Variants in HEXB observed in about 807,000 individuals in gnomAD.
The protein encoded by HEXB is hexosaminidase subunit beta.
HEXB carries 51 observed loss-of-function variants against 71.2 expected under a neutral mutation model. The observed-to-expected ratio is 0.72, with a 90% CI of 0.57 to 0.90. The LOEUF (loss-of-function observed/expected upper bound fraction) is 0.90, where lower values mean the gene tolerates loss of function less well. HEXB is among the 40% of genes least tolerant of loss of function. HEXB has a pLI of 0.00. For synonymous variants in HEXB, 266 were observed against 249.3 expected, an observed-to-expected ratio of 1.07 and a Z score of -0.63; for missense variants, 617 against 677.0, an observed-to-expected ratio of 0.91 and a Z score of 0.98.
intron 9 of HEXB, 75 bp downstream of exon 9, chr5:74,716,748 A>G (rs1407384346): frequency 1.1e-6 from 1 of 944,004 alleles, no homozygotes; most frequent in Admixed American, 2.0e-5. Flanking sequence ...TTTATTTTTT[A>G]CATTTTCTCT....
intron 1 of HEXB, among the ~76,000 whole-genome samples, chr5:74,687,688 T>A (rs556863054): frequency 1.3e-5 from 2 of 152,322 alleles, no homozygotes; most frequent in Non-Finnish European, 2.9e-5. Flanking sequence ...TTTAAAAAAA[T>A]TTTAATTAAG....
At chr5:74,653,021 T>C (rs935768719) in intron 1 of HEXB, among the ~76,000 whole-genome samples, 1 of 152,208 alleles carries the variant, frequency 6.6e-6, no homozygotes, top group Non-Finnish European at 1.5e-5. Context: ...TTAACTGTAA[T>C]GTAAAGGAGG....
At chr5:74,655,544 C>T (rs1450465791) in intron 1 of HEXB, among the ~76,000 whole-genome samples, 1 of 151,962 alleles carries the variant, frequency 6.6e-6, no homozygotes, top group Non-Finnish European at 1.5e-5. Context: ...GCACGTTGGC[C>T]AGGCTGGTGT....
intron 5 of HEXB, among the ~76,000 whole-genome samples, chr5:74,702,785 G>A (rs541094407): frequency 2.6e-5 from 4 of 152,334 alleles, no homozygotes; most frequent in Admixed American, 6.5e-5. Flanking sequence ...GGTGGCTACC[G>A]AGTGGTGATG....
At chr5:74,676,468 T>G (rs1033932355) in intron 1 of HEXB, among the ~76,000 whole-genome samples, 1 of 152,130 alleles carries the variant, frequency 6.6e-6, no homozygotes, top group Non-Finnish European at 1.5e-5. Flanking sequence ...ACATGCAAAT[T>G]TTTAAAGGGC....
chr5:74,678,743 A>T (rs11738805), intron 1 of HEXB, among the ~76,000 whole-genome samples: 20,200 of 152,146 alleles, frequency 0.13, 1,709 homozygotes, highest in East Asian at 0.24. Context: ...CCGTAAAACA[A>T]CATACCACAT....
chr5:74,693,109 A>G (rs559152605), intron 2 of HEXB, among the ~76,000 whole-genome samples: 1 of 152,338 alleles, frequency 6.6e-6, no homozygotes, highest in East Asian at 1.9e-4. Context: ...GAAGGTGGGT[A>G]CAGGGCAAGT....
At chr5:74,640,648 C>T in intron 1 of HEXB, 1 of 152,348 alleles carries the variant, frequency 6.6e-6, no homozygotes, top group South Asian at 2.1e-4. Flanking sequence ...CCTTGTGTGC[C>T]GGCGGCCGCC....
chr5:74,663,951 T>C (rs1748379257), intron 1 of HEXB, among the ~76,000 whole-genome samples: 1 of 150,280 alleles, frequency 6.7e-6, no homozygotes, highest in Admixed American at 6.6e-5. Flanking sequence ...CATAGTGGGA[T>C]CCTGTATCTA....
chr5:74,717,143 T>C (rs1749690495), intron 9 of HEXB, among the ~76,000 whole-genome samples: 1 of 152,150 alleles, frequency 6.6e-6, no homozygotes, highest in African/African-American at 2.4e-5. Context: ...ATCGCACCAC[T>C]GCACTCCAGC....
chr5:74,693,599 T>C, intron 2 of HEXB, 40 bp from the exon 3 acceptor site: 1 of 1,371,560 alleles, frequency 7.3e-7, no homozygotes, highest in Non-Finnish European at 1.0e-6. Flanking sequence ...CATTGAGGGA[T>C]TAACAAAAGT....
At chr5:74,642,304 A>G (rs1001224357) in intron 1 of HEXB, among the ~76,000 whole-genome samples, 62 of 152,086 alleles carry the variant, frequency 4.1e-4, no homozygotes, top group Non-Finnish European at 7.8e-4. Context: ...AGGCTGATTC[A>G]CAGAGACAGC....
intron 1 of HEXB, among the ~76,000 whole-genome samples, chr5:74,642,711 A>C (rs1028999821): frequency 6.6e-6 from 1 of 152,084 alleles, no homozygotes; most frequent in African/African-American, 2.4e-5. Context: ...AAGCGACAGA[A>C]CTAGGGACAG....
chr5:74,651,718 G>A (rs1490571484), intron 1 of HEXB, among the ~76,000 whole-genome samples: 3 of 152,132 alleles, frequency 2.0e-5, no homozygotes, highest in Admixed American at 6.5e-5. Context: ...ACCTTTCTAT[G>A]GATAAACTAA....
rs188728687 is a variant in HEXB, at chr5:74,705,224, C to T, written c.675C>T (p.Ala225=). Reference sequence around the variant, plus strand: ...TTAAATATGTTTGCTTGCAGGATGCCATGGCTTTTAATAAGTTTAATGTTC... The same window carrying T: ...TTAAATATGTTTGCTTGCAGGATGCTATGGCTTTTAATAAGTTTAATGTTC... ...PVKIILKTLD[A]MAFNKFNVLH... is the part of the protein sequence containing the mutation. Residue 225 remains alanine (A), a synonymous_variant, in exon 6 of 14, where the codon GCC becomes GCT. Transcript: ENST00000261416. 1 of 1,594,514 alleles carries T rather than the reference C, an allele frequency of 6.3e-7. No individual in the cohort carries two copies. The highest frequency in any genetic ancestry group is 8.6e-7 in the Non-Finnish European group (1 of 1,162,428).
chr5:74,715,281 A>G (rs1017643376), intron 7 of HEXB, among the ~76,000 whole-genome samples: 10 of 152,216 alleles, frequency 6.6e-5, no homozygotes, highest in African/African-American at 9.6e-5. Context: ...AGTTACTAAC[A>G]TTTGACATAG....
intron 1 of HEXB, among the ~76,000 whole-genome samples, chr5:74,670,739 C>T (rs1194739837): frequency 6.6e-6 from 1 of 152,184 alleles, no homozygotes; most frequent in Admixed American, 6.5e-5. Context: ...GCCCGGGCGC[C>T]ACTGCATTCC....
chr5:74,674,351 C>T (rs1396578466), intron 1 of HEXB, among the ~76,000 whole-genome samples: 10 of 152,114 alleles, frequency 6.6e-5, no homozygotes, highest in African/African-American at 2.4e-5. Context: ...AGCCTGTAAT[C>T]CCGGCACTTT....
intron 1 of HEXB, among the ~76,000 whole-genome samples, chr5:74,659,920 C>A (rs996251988): frequency 1.3e-5 from 2 of 152,036 alleles, no homozygotes; most frequent in African/African-American, 4.8e-5. Context: ...TTCTTTTCCA[C>A]CTTGAGGATG....
Sources: allele counts gnomAD v4.1 joint callset (sites outside exome capture counted in the v4.1 genomes callset), GRCh38; gene constraint gnomAD v4.1.1; transcripts MANE v1.5; gene names NCBI Gene and HGNC (gene_info 2026-07-23, HGNC 2026-07-21).